The following GLIS3 variants were observed in gnomAD, a reference collection of about 807,000 sequenced individuals.
GLIS3 encodes the protein GLIS family zinc finger 3.
Under a neutral mutation model 78.6 loss-of-function variants are expected in GLIS3, and 53 were observed. The observed-to-expected ratio is 0.67, with a 90% CI of 0.54 to 0.85. The LOEUF is 0.85. Among genes scored for constraint, GLIS3 ranks in the 40% least tolerant of loss-of-function variants. GLIS3 has a pLI of 0.00. For synonymous variants in GLIS3, 684 were observed against 509.9 expected, an observed-to-expected ratio of 1.34 and a Z score of -4.60; for missense variants, 1,703 against 1,231.1, an observed-to-expected ratio of 1.38 and a Z score of -5.74.
chr9:4,326,563 T>C (rs184025159), intron 2 of GLIS3, among the ~76,000 whole-genome samples: 1 of 152,052 alleles, frequency 6.6e-6, no homozygotes, highest in African/African-American at 2.4e-5. Flanking sequence ...GGTTATTTTT[T>C]ATAGGTACAG....
intron 4 of GLIS3, among the ~76,000 whole-genome samples, chr9:4,095,151 T>C (rs1205942431): frequency 6.6e-6 from 1 of 152,210 alleles, no homozygotes; most frequent in Non-Finnish European, 1.5e-5. Flanking sequence ...TGTAATTTTG[T>C]ATCCTTTAAC....
chr9:4,169,423 C>G (rs1183736286), intron 2 of GLIS3, among the ~76,000 whole-genome samples: 1 of 152,150 alleles, frequency 6.6e-6, no homozygotes, highest in Non-Finnish European at 1.5e-5. Flanking sequence ...AGAAAGAACA[C>G]AGGAGAATGA....
chr9:4,440,825 C>A, the GLIS3 span, among the ~76,000 whole-genome samples: 4 of 151,986 alleles, frequency 2.6e-5, no homozygotes, highest in Non-Finnish European at 5.9e-5. Flanking sequence ...GTGTCTTCTT[C>A]AATTTCTTTC....
At chr9:4,124,471 G>A (rs1832417642) in intron 3 of GLIS3, among the ~76,000 whole-genome samples, 1 of 152,174 alleles carries the variant, frequency 6.6e-6, no homozygotes, top group African/African-American at 2.4e-5. Flanking sequence ...AAAGGAAGCT[G>A]AAGGCTTCCC....
intron 9 of GLIS3, among the ~76,000 whole-genome samples, chr9:3,830,177 T>A (rs1397971615): frequency 1.3e-5 from 2 of 151,978 alleles, no homozygotes; most frequent in Non-Finnish European, 2.9e-5. Context: ...TCATCAACCT[T>A]TTGATAATCT....
At chr9:3,886,026 G>A (rs1822049847) in intron 7 of GLIS3, among the ~76,000 whole-genome samples, 1 of 152,214 alleles carries the variant, frequency 6.6e-6, no homozygotes, top group South Asian at 2.1e-4. Context: ...GCATATGCCT[G>A]AACGCCAGTC....
chr9:4,347,328 C>T (rs574146996), intron 1 of GLIS3: 3 of 152,090 alleles, frequency 2.0e-5, no homozygotes, highest in African/African-American at 7.2e-5. Context: ...AGGGATCTGC[C>T]CTCATGACCT....
intron 2 of GLIS3, among the ~76,000 whole-genome samples, chr9:4,245,136 G>A (rs962280475): frequency 5.3e-5 from 8 of 152,220 alleles, no homozygotes; most frequent in African/African-American, 1.9e-4. Flanking sequence ...GATTTATGAC[G>A]TCCCACTTGA....
intron 2 of GLIS3, among the ~76,000 whole-genome samples, chr9:4,279,166 G>C (rs980567718): frequency 2.8e-4 from 42 of 151,542 alleles, no homozygotes; most frequent in African/African-American, 1.0e-3. Flanking sequence ...GGGCGTGGTG[G>C]CAGGCACCTG....
intron 2 of GLIS3, among the ~76,000 whole-genome samples, chr9:4,246,174 C>T (rs1021045010): frequency 6.6e-6 from 1 of 152,196 alleles, no homozygotes; most frequent in East Asian, 1.9e-4. Context: ...GCCTGGACAG[C>T]ATGATGAAAC....
chr9:3,997,812 G>A (rs1018508488), intron 4 of GLIS3, among the ~76,000 whole-genome samples: 3 of 151,912 alleles, frequency 2.0e-5, no homozygotes, highest in Non-Finnish European at 4.4e-5. Context: ...GTTATGCTAT[G>A]AGCATTTCTA....
intron 4 of GLIS3, among the ~76,000 whole-genome samples, chr9:4,024,497 T>G (rs1398039046): frequency 6.6e-6 from 1 of 152,172 alleles, no homozygotes; most frequent in Non-Finnish European, 1.5e-5. Flanking sequence ...GGCCACTGCT[T>G]AAATCTAATT....
At chr9:4,040,385 G>T (rs1039006823) in intron 4 of GLIS3, among the ~76,000 whole-genome samples, 3 of 151,768 alleles carry the variant, frequency 2.0e-5, no homozygotes, top group African/African-American at 7.3e-5. Flanking sequence ...TTTGAAAATG[G>T]CTGTTAGGTT....
chr9:4,416,252 T>TTC, the GLIS3 span, among the ~76,000 whole-genome samples: 3 of 75,804 alleles, frequency 4.0e-5, no homozygotes, highest in South Asian at 4.7e-4. Context: ...ACACTGTTTT[T>TTC]AAAAAAAAAA....
At chr9:3,936,196 T>C (rs1190732302) in intron 5 of GLIS3, among the ~76,000 whole-genome samples, 1 of 152,206 alleles carries the variant, frequency 6.6e-6, no homozygotes, top group Non-Finnish European at 1.5e-5. Flanking sequence ...ATAATACACT[T>C]ATCCTGATGG....
chr9:4,034,564 G>T (rs920465907), intron 4 of GLIS3: 29 of 152,174 alleles, frequency 1.9e-4, no homozygotes, highest in African/African-American at 7.0e-4. Context: ...CTGTCCTCGG[G>T]GATTCACAGA....
chr9:4,035,502 G>T (rs776422329), intron 4 of GLIS3, among the ~76,000 whole-genome samples: 18 of 151,558 alleles, frequency 1.2e-4, no homozygotes, highest in African/African-American at 4.4e-4. Flanking sequence ...TTTAACTTTA[G>T]CTCCCATGGA....
At chr9:3,921,241 T>G (rs1489369165) in intron 6 of GLIS3, among the ~76,000 whole-genome samples, 1 of 152,212 alleles carries the variant, frequency 6.6e-6, no homozygotes, top group African/African-American at 2.4e-5. Flanking sequence ...TTAACTAAGT[T>G]GTGTCCAGGA....
chr9:3,951,270 T>C (rs906763515), intron 4 of GLIS3, among the ~76,000 whole-genome samples: 2 of 152,152 alleles, frequency 1.3e-5, no homozygotes, highest in African/African-American at 2.4e-5. Flanking sequence ...TAAATAATAC[T>C]GAAAAGACGT....
Sources: gnomAD v4.1 joint callset for allele counts (sites outside exome capture counted in the v4.1 genomes callset) on GRCh38, gnomAD v4.1.1 for gene constraint, MANE v1.5 for transcripts, NCBI Gene and HGNC (gene_info 2026-07-23, HGNC 2026-07-21) for gene names.